Variants in OR6Q1 observed in about 807,000 individuals in gnomAD.
OR6Q1 encodes olfactory receptor 6Q1.
For missense variants in OR6Q1, 387 were observed against 381.7 expected (o/e 1.01, Z -0.12); for synonymous variants, 144 against 148.9 (o/e 0.97, Z 0.24).
In OR6Q1 at chr11:58,031,450, C is replaced by T; in HGVS notation, c.498C>T (p.Leu166=). Residue 166 remains leucine, a synonymous_variant, in exon 1 of 1, where the codon CTC becomes CTT. Transcript: ENST00000302622. The part of the protein sequence containing the change: ...GFLTPILPIY[L]LSQLTFYGPN... ...TCACACCCATCTTGCCAATCTACCT[C>T]TTGTCTCAGCTAACATTTTATGGCC... is the stretch of plus-strand genomic sequence containing the variant. 6.2e-7 allele frequency: 1 copy of T among 1,614,186 alleles called. No homozygotes were observed. The highest frequency in any genetic ancestry group is 1.1e-5 in the South Asian group (1 of 91,084).
Position 58,030,984 on chromosome 11 carries a change from TAACTG to T in OR6Q1, c.35_39del (p.Thr12IlefsTer11), listed in dbSNP as rs765817419. 2.6e-5 allele frequency: 42 copies of T among 1,613,902 alleles called. No homozygotes were observed. Among genetic ancestry groups the T allele is most frequent in the Non-Finnish European group, 3.5e-5 (41 of 1,179,908 alleles). On this transcript the variant is annotated frameshift_variant, in exon 1 of 1. Coordinates refer to ENST00000302622, the MANE Select transcript of OR6Q1 (RefSeq NM_001005186.2). LOFTEE classifies it low-confidence loss of function (END_TRUNC). ...CCATATACCAAAAACTGGACCCAGG[TAACTG>T]AATTTGTCATGATGGGCTTTGCTGG... is the stretch of plus-strand genomic sequence containing the variant.
Position 58,031,369 on chromosome 11 carries a change from T to C in OR6Q1, c.417T>C (p.Phe139=). 6.2e-7 allele frequency: 1 copy of C among 1,614,232 alleles called. No individual in the cohort carries two copies. The highest frequency in any genetic ancestry group is 8.5e-7 in the Non-Finnish European group (1 of 1,180,026). ...GTATGCCTCTCCACTATGGGGCTTT[T>C]GTGTCCTGGGGCACCTGCATCCGTC... ...AICMPLHYGA[F]VSWGTCIRLA... is the part of the protein sequence containing the mutation. Residue 139 remains phenylalanine (F), a synonymous_variant, in exon 1 of 1, where the codon TTT becomes TTC. Transcript: ENST00000302622.
rs116716122 is a variant in OR6Q1, at chr11:58,031,198, G to C, written c.246G>C (p.Lys82Asn). 4.3e-4 allele frequency: 695 copies of C among 1,614,152 alleles called. 2 individuals are homozygous for C. In the African/African-American group the frequency reaches 8.6e-3, roughly 20 times the overall value. Residue 82 changes from lysine (K) to asparagine (N), a missense_variant, in exon 1 of 1, where the codon AAG becomes AAC. Physicochemically the swap from Lys to Asn is moderately conservative, Grantham distance 94. Transcript: ENST00000302622. ...GGTACACTTCTGTTACAGTGCCCAA[G>C]ATGCTGGCTGGTTTTATTGGGGTGG... ...EIWYTSVTVP[K>N]MLAGFIGVDG...
rs373892437 is a variant in OR6Q1 at position 58,031,069 on chromosome 11, C to T, written c.117C>T (p.Phe39=). ...TACTCTTCCTCACCATGTACCTGTT[C>T]ACCTTGGTGGAGAATTTGGCCATCA... ...FFILFLTMYL[F]TLVENLAIIL... Residue 39 remains phenylalanine (F), a synonymous_variant, in exon 1 of 1, where the codon TTC becomes TTT. Transcript: ENST00000302622. 6.8e-6 allele frequency: 11 copies of T among 1,613,758 alleles called. No homozygotes were observed. The East Asian group carries it at 1.3e-4, about 20-fold the overall frequency.
chr11:58,031,415 G>A lies in OR6Q1; in HGVS notation c.463G>A (p.Val155Ile), dbSNP rs746990702. ...CIRLAAACWLVGFLTPILPIY... is the reference protein window; with the variant it reads ...CIRLAAACWLIGFLTPILPIY... ...CCGTCTGGCAGCTGCCTGTTGGCTGGTAGGTTTCCTCACACCCATCTTGCC... is the reference window on the plus strand; with the variant it reads ...CCGTCTGGCAGCTGCCTGTTGGCTGATAGGTTTCCTCACACCCATCTTGCC... The change falls in exon 1 of 1, where the codon GTA becomes ATA. Residue 155 changes from valine to isoleucine, a missense_variant. Val to Ile is a conservative substitution (Grantham distance 29, BLOSUM62 3). Transcript: ENST00000302622. 9 of 1,614,150 alleles carry A rather than the reference G, an allele frequency of 5.6e-6. No individual in the cohort carries two copies. The highest frequency in any genetic ancestry group is 1.6e-4 in the Middle Eastern group (1 of 6,062).
chr11:58,031,710 G>C lies in OR6Q1; in HGVS notation c.758G>C (p.Ser253Thr). 6.2e-7 allele frequency: 1 copy of C among 1,614,038 alleles called. No homozygotes were observed. Among genetic ancestry groups the C allele is most frequent in the Non-Finnish European group, 8.5e-7 (1 of 1,179,926 alleles). The change falls in exon 1 of 1, where the codon AGC becomes ACC. Residue 253 changes from serine (S) to threonine (T), a missense_variant. By Grantham distance (58) the Ser-to-Thr change is moderately conservative (BLOSUM62 1). Transcript: ENST00000302622. ...TGTGCAGCTCACCTGACTGTGGTGAGCCTCTTCTATGGCACTCTTTTCTTT... is the reference window on the plus strand; with the variant it reads ...TGTGCAGCTCACCTGACTGTGGTGACCCTCTTCTATGGCACTCTTTTCTTT... Reference protein sequence around the residue: ...STCAAHLTVVSLFYGTLFFMY... With the variant: ...STCAAHLTVVTLFYGTLFFMY...
chr11:58,031,177 C>T lies in OR6Q1; in HGVS notation c.225C>T (p.Tyr75=), dbSNP rs140055825. The change falls in exon 1 of 1, where the codon TAC becomes TAT. Residue 75 remains tyrosine (Y), a synonymous_variant. Transcript: ENST00000302622. ...LTHLSCLEIW[Y]TSVTVPKMLA... The stretch of plus-strand genomic sequence containing the variant: ...ACTTGTCCTGCCTTGAAATCTGGTA[C>T]ACTTCTGTTACAGTGCCCAAGATGC... 92 of 1,614,142 alleles carry T rather than the reference C, an allele frequency of 5.7e-5. 2 individuals are homozygous for T. The South Asian group carries it at 7.9e-4, about 14-fold the overall frequency.
At position 58,031,872 on chromosome 11, in the gene OR6Q1, G is replaced by T; in HGVS notation, c.920G>T (p.Arg307Leu). Residue 307 changes from arginine (R) to leucine (L), a missense_variant, in exon 1 of 1, where the codon CGA becomes CTA. Arg to Leu is a moderately radical substitution (Grantham distance 102). Transcript: ENST00000302622. ...RNKEVKGALG[R>L]VFSLNFWKGQ ...AAGGAAGTGAAGGGAGCTCTGGGTC[G>T]AGTCTTTTCTCTCAACTTTTGGAAG... 2 of 1,613,026 alleles carry T rather than the reference G, an allele frequency of 1.2e-6. No homozygotes were observed. The highest frequency in any genetic ancestry group is 8.5e-7 in the Non-Finnish European group (1 of 1,179,222).
rs758049819 is a variant in OR6Q1, at chr11:58,031,740, A to T, written c.788A>T (p.Tyr263Phe). The change falls in exon 1 of 1, where the codon TAT becomes TTT. Residue 263 changes from tyrosine (Y) to phenylalanine (F), a missense_variant. Tyr to Phe is a conservative substitution (Grantham distance 22, BLOSUM62 3). Transcript: ENST00000302622. ...SLFYGTLFFM[Y>F]VQTKVTSSIN... The stretch of plus-strand genomic sequence containing the variant: ...TTCTATGGCACTCTTTTCTTTATGT[A>T]TGTCCAGACCAAGGTGACCTCCTCC... The T allele has an allele frequency of 1.7e-5, 27 of 1,614,028 alleles. 1 individual carries two copies. The South Asian group carries it at 2.9e-4, about 17-fold the overall frequency.
Position 58,030,967 on chromosome 11 carries a change from CA to C in OR6Q1, c.20del (p.Asn7ThrfsTer5). 9 of 1,613,120 alleles carry C rather than the reference CA, an allele frequency of 5.6e-6. No individual in the cohort carries two copies. The highest frequency in any genetic ancestry group is 7.6e-6 in the Non-Finnish European group (9 of 1,179,210). ...CACTGCCACATATGCAACCATATAC[CA>C]AAAACTGGACCCAGGTAACTGAATT... MQPYT[K>X]NWTQVTEFVM... is the part of the protein sequence containing the mutation. On this transcript the variant is annotated frameshift_variant, in exon 1 of 1. Coordinates refer to ENST00000302622, the MANE Select transcript of OR6Q1 (RefSeq NM_001005186.2). LOFTEE classifies it low-confidence loss of function (END_TRUNC).
Position 58,031,178 on chromosome 11 carries a change from A to G in OR6Q1, c.226A>G (p.Thr76Ala). ...CTTGTCCTGCCTTGAAATCTGGTAC[A>G]CTTCTGTTACAGTGCCCAAGATGCT... ...THLSCLEIWY[T>A]SVTVPKMLAG... The change falls in exon 1 of 1, where the codon ACT (threonine) becomes GCT (alanine). Residue 76 changes from threonine to alanine, a missense_variant. Transcript: ENST00000302622. 2 of 1,614,078 alleles carry G rather than the reference A, an allele frequency of 1.2e-6. No individual in the cohort carries two copies.
rs1853045168 is a variant in OR6Q1, at chr11:58,031,885, C to T, written c.933C>T (p.Leu311=). ...GAGCTCTGGGTCGAGTCTTTTCTCT[C>T]AACTTTTGGAAGGGACAGTGAGGAG... ...VKGALGRVFS[L]NFWKGQ The change falls in exon 1 of 1, where the codon CTC becomes CTT. Residue 311 remains leucine (L), a synonymous_variant. Coordinates refer to ENST00000302622, the MANE Select transcript of OR6Q1 (RefSeq NM_001005186.2). 1 of 1,611,976 alleles carries T rather than the reference C, an allele frequency of 6.2e-7. No individual in the cohort carries two copies. Among genetic ancestry groups the T allele is most frequent in the East Asian group, 2.2e-5 (1 of 44,860 alleles).
chr11:58,031,224 A>T lies in OR6Q1; in HGVS notation c.272A>T (p.Asp91Val), dbSNP rs1434419241. 1 of 1,614,114 alleles carries T rather than the reference A, an allele frequency of 6.2e-7. No homozygotes were observed. The highest frequency in any genetic ancestry group is 1.7e-5 in the Admixed American group (1 of 60,014). ...PKMLAGFIGVDGGKNISYADC... is the reference protein window; with the variant it reads ...PKMLAGFIGVVGGKNISYADC... Reference sequence around the variant, plus strand: ...ATGCTGGCTGGTTTTATTGGGGTGGATGGTGGCAAGAATATCTCTTATGCT... The same window carrying T: ...ATGCTGGCTGGTTTTATTGGGGTGGTTGGTGGCAAGAATATCTCTTATGCT... Residue 91 changes from aspartate to valine, a missense_variant, in exon 1 of 1, where the codon GAT becomes GTT. Physicochemically the swap from Asp to Val is radical, Grantham distance 152 (BLOSUM62 -3). Coordinates refer to ENST00000302622, the MANE Select transcript of OR6Q1 (RefSeq NM_001005186.2).
chr11:58,031,590 C>T lies in OR6Q1; in HGVS notation c.638C>T (p.Ala213Val). The T allele has an allele frequency of 4.3e-6, 7 of 1,614,044 alleles. No individual in the cohort carries two copies. Among genetic ancestry groups the T allele is most frequent in the Non-Finnish European group, 5.9e-6 (7 of 1,179,950 alleles). ...DFLVSLAVLLASSMVIAVSYG... is the reference protein window; with the variant it reads ...DFLVSLAVLLVSSMVIAVSYG... ...CTGGTGTCTCTGGCTGTGCTACTGG[C>T]CTCCTCTATGGTCATTGCTGTGTCC... The change falls in exon 1 of 1, where the codon GCC becomes GTC. Residue 213 changes from alanine to valine, a missense_variant. Ala to Val is a moderately conservative substitution (Grantham distance 64). Transcript: ENST00000302622.
At position 58,031,345 on chromosome 11, in the gene OR6Q1, T is replaced by C. The variant is rs201296641; in HGVS notation, c.393T>C (p.Cys131=). Residue 131 remains cysteine, a synonymous_variant, in exon 1 of 1, where the codon TGT becomes TGC. Coordinates refer to ENST00000302622, the MANE Select transcript of OR6Q1 (RefSeq NM_001005186.2). ...CCTATGATCGTTATGTGGCCATTTGTATGCCTCTCCACTATGGGGCTTTTG... is the reference window on the plus strand; with the variant it reads ...CCTATGATCGTTATGTGGCCATTTGCATGCCTCTCCACTATGGGGCTTTTG... ...AMAYDRYVAI[C]MPLHYGAFVS... 7.4e-5 allele frequency: 119 copies of C among 1,614,094 alleles called. No homozygotes were observed. Among genetic ancestry groups the C allele is most frequent in the South Asian group, 3.3e-5 (3 of 91,090 alleles).
In OR6Q1 at chr11:58,031,520, G is replaced by A. The variant is rs138150965; in HGVS notation, c.568G>A (p.Ala190Thr). 6.5e-4 allele frequency: 1,042 copies of A among 1,614,112 alleles called. 12 individuals are homozygous for A. In the East Asian group the frequency reaches 0.019, roughly 29 times the overall value. The change falls in exon 1 of 1, where the codon GCC (alanine) becomes ACC (threonine). Residue 190 changes from alanine (A) to threonine (T), a missense_variant. Transcript: ENST00000302622. Reference sequence around the variant, plus strand: ...CTCCTGTGATGCCTCACCCTTGCTAGCCTTGTCGTGCTCAGATGTCACTTG... The same window carrying A: ...CTCCTGTGATGCCTCACCCTTGCTAACCTTGTCGTGCTCAGATGTCACTTG... Reference protein sequence around the residue: ...HFSCDASPLLALSCSDVTWKE... With the variant: ...HFSCDASPLLTLSCSDVTWKE...
Position 58,031,063 on chromosome 11 carries a change from C to T in OR6Q1, c.111C>T (p.Tyr37=). ...LLFFILFLTM[Y]LFTLVENLAI... is the part of the protein sequence containing the mutation. ...TCTTCATACTCTTCCTCACCATGTA[C>T]CTGTTCACCTTGGTGGAGAATTTGG... Residue 37 remains tyrosine (Y), a synonymous_variant, in exon 1 of 1, where the codon TAC becomes TAT. Coordinates refer to ENST00000302622, the MANE Select transcript of OR6Q1 (RefSeq NM_001005186.2). 13 of 1,613,812 alleles carry T rather than the reference C, an allele frequency of 8.1e-6. No individual in the cohort carries two copies. Among genetic ancestry groups the T allele is most frequent in the Non-Finnish European group, 1.0e-5 (12 of 1,179,674 alleles).
At position 58,031,290 on chromosome 11, in the gene OR6Q1, C is replaced by T. The variant is rs756281064; in HGVS notation, c.338C>T (p.Ala113Val). The change falls in exon 1 of 1, where the codon GCA becomes GTA. Residue 113 changes from alanine (A) to valine (V), a missense_variant. Coordinates refer to ENST00000302622, the MANE Select transcript of OR6Q1 (RefSeq NM_001005186.2). ...CTCTTCATCTTCACCTTTCTTGGGG[C>T]AACTGAGTGTTTCCTACTGGCTGCC... The part of the protein sequence containing the change: ...SQLFIFTFLG[A>V]TECFLLAAMA... The T allele has an allele frequency of 6.2e-7, 1 of 1,614,096 alleles. No individual in the cohort carries two copies. Among genetic ancestry groups the T allele is most frequent in the South Asian group, 1.1e-5 (1 of 91,082 alleles).
rs752146525 is a variant in OR6Q1 at position 58,031,161 on chromosome 11, G to A, written c.209G>A (p.Cys70Tyr). The A allele has an allele frequency of 1.9e-6, 3 of 1,614,036 alleles. No homozygotes were observed. Among genetic ancestry groups the A allele is most frequent in the South Asian group, 2.2e-5 (2 of 91,084 alleles). The stretch of plus-strand genomic sequence containing the variant: ...TATTTCTTCCTGACACACTTGTCCT[G>A]CCTTGAAATCTGGTACACTTCTGTT... ...PMYFFLTHLS[C>Y]LEIWYTSVTV... Residue 70 changes from cysteine to tyrosine, a missense_variant, in exon 1 of 1, where the codon TGC becomes TAC. Transcript: ENST00000302622.
Sources: allele counts gnomAD v4.1 joint callset, GRCh38; gene constraint gnomAD v4.1.1; transcripts MANE v1.5; gene names NCBI Gene and HGNC (gene_info 2026-07-23, HGNC 2026-07-21).